Variants in SPMIP7 observed in about 807,000 individuals in gnomAD.
SPMIP7 encodes protein SPMIP7.
chr7:50,154,847 C>T, the SPMIP7 span, among the ~76,000 whole-genome samples: 137 of 152,330 alleles, frequency 9.0e-4, no homozygotes, highest in Non-Finnish European at 1.7e-3. Context: ...TCTCTACATG[C>T]TCATCAACAC....
chr7:50,125,112 A>G, the SPMIP7 span, among the ~76,000 whole-genome samples: 1 of 63,560 alleles, frequency 1.6e-5, no homozygotes, highest in Non-Finnish European at 2.8e-5. Context: ...ATATATATAT[A>G]TATACACACA....
the SPMIP7 span, among the ~76,000 whole-genome samples, chr7:50,145,614 G>GTATATATATATA: frequency 1.1e-3 from 42 of 39,024 alleles, no homozygotes; most frequent in African/African-American, 1.6e-3. Context: ...GTGTATATGT[G>GTATATATATATA]TGTGTATATA....
the SPMIP7 span, among the ~76,000 whole-genome samples, chr7:50,107,386 GAAAA>G: frequency 6.8e-4 from 32 of 47,350 alleles, no homozygotes; most frequent in Non-Finnish European, 8.8e-4. Flanking sequence ...AAAAAAAAAA[GAAAA>G]GAAAAGAAAA....
At chr7:50,117,250 T>G in the SPMIP7 span, 3 of 455,946 alleles carry the variant, frequency 6.6e-6, no homozygotes, top group African/African-American at 6.0e-5. Context: ...TAGGAGTACT[T>G]ACCCAAAAAC....
chr7:50,128,826 A>G, the SPMIP7 span, among the ~76,000 whole-genome samples: 2 of 152,002 alleles, frequency 1.3e-5, no homozygotes, highest in Admixed American at 6.6e-5. Flanking sequence ...GAATTGTTAA[A>G]TCGAAGAAGT....
At chr7:50,139,505 T>C in the SPMIP7 span, among the ~76,000 whole-genome samples, 1 of 152,234 alleles carries the variant, frequency 6.6e-6, no homozygotes, top group African/African-American at 2.4e-5. Context: ...TATTGGTATT[T>C]TTAATTTACA....
At chr7:50,126,845 T>C in the SPMIP7 span, among the ~76,000 whole-genome samples, 1 of 150,240 alleles carries the variant, frequency 6.7e-6, no homozygotes, top group African/African-American at 2.4e-5. Flanking sequence ...GAACACAGAG[T>C]AGAAAAAGGT....
chr7:50,157,920 A>G, the SPMIP7 span, among the ~76,000 whole-genome samples: 4 of 152,316 alleles, frequency 2.6e-5, no homozygotes, highest in African/African-American at 9.6e-5. Flanking sequence ...TATTTTAATT[A>G]TCACACCAAA....
the SPMIP7 span, among the ~76,000 whole-genome samples, chr7:50,127,685 CATAAAA>C: frequency 6.7e-6 from 1 of 148,592 alleles, no homozygotes; most frequent in Non-Finnish European, 1.5e-5. Flanking sequence ...CAGAATAAGA[CATAAAA>C]ATAGTCAACA....
chr7:50,104,295 G>A, the SPMIP7 span: 69 of 1,372,246 alleles, frequency 5.0e-5, 1 homozygote, highest in South Asian at 3.1e-4. Flanking sequence ...AATCCCATTC[G>A]CTTTTTTTGT....
At chr7:50,136,346 T>C in the SPMIP7 span, among the ~76,000 whole-genome samples, 1 of 152,128 alleles carries the variant, frequency 6.6e-6, no homozygotes, top group Non-Finnish European at 1.5e-5. Context: ...GGACAGTTGC[T>C]CAGTGTGCCT....
chr7:50,109,562 G>T, the SPMIP7 span, among the ~76,000 whole-genome samples: 8 of 152,016 alleles, frequency 5.3e-5, no homozygotes, highest in Non-Finnish European at 1.2e-4. Flanking sequence ...TTTTAGCAGA[G>T]ACAGGTTTCA....
chr7:50,111,296 T>TC, the SPMIP7 span, among the ~76,000 whole-genome samples: 1 of 151,962 alleles, frequency 6.6e-6, no homozygotes, highest in Non-Finnish European at 1.5e-5. Context: ...GAAAATGGGT[T>TC]CCTGCTTCTG....
the SPMIP7 span, chr7:50,159,227 G>GTGGGAAA: frequency 2.6e-6 from 4 of 1,530,454 alleles, no homozygotes; most frequent in Non-Finnish European, 3.5e-6. Context: ...TTGTGCGGCG[G>GTGGGAAA]TGGGAAATAA....
At chr7:50,132,752 T>C in the SPMIP7 span, among the ~76,000 whole-genome samples, 2 of 152,186 alleles carry the variant, frequency 1.3e-5, no homozygotes, top group African/African-American at 2.4e-5. Context: ...TCTAAATGTA[T>C]TCACACACAA....
At chr7:50,153,213 G>A in the SPMIP7 span, among the ~76,000 whole-genome samples, 3 of 152,206 alleles carry the variant, frequency 2.0e-5, no homozygotes, top group African/African-American at 7.2e-5. Context: ...GGGGCTTATT[G>A]AGCTTTGTGG....
the SPMIP7 span, chr7:50,141,384 A>T: frequency 4.6e-6 from 7 of 1,525,348 alleles, no homozygotes; most frequent in Non-Finnish European, 6.2e-6. Flanking sequence ...TACAAACACA[A>T]GTCGGTGAGT....
chr7:50,117,045 C>T, the SPMIP7 span, among the ~76,000 whole-genome samples: 1 of 152,092 alleles, frequency 6.6e-6, no homozygotes, highest in African/African-American at 2.4e-5. Flanking sequence ...ATTCTGGGTC[C>T]CACATTTTCC....
At chr7:50,152,013 A>C in the SPMIP7 span, among the ~76,000 whole-genome samples, 1 of 152,228 alleles carries the variant, frequency 6.6e-6, no homozygotes, top group South Asian at 2.1e-4. Flanking sequence ...AATTCTGTTG[A>C]AAGTCACATA....
Sources: allele counts gnomAD v4.1 joint callset (sites outside exome capture counted in the v4.1 genomes callset), GRCh38; gene constraint gnomAD v4.1.1; transcripts MANE v1.5; gene names NCBI Gene and HGNC (gene_info 2026-07-23, HGNC 2026-07-21).